POU2F1: variants seen among roughly 807,000 people sequenced by gnomAD.
POU2F1 encodes POU class 2 homeobox 1, also known as POU domain, class 2, transcription factor 1.
A neutral mutation model predicts 84.9 loss-of-function variants in POU2F1; 16 were observed. The observed-to-expected ratio is 0.19, with a 90% confidence interval of 0.13 to 0.29. The LOEUF (loss-of-function observed/expected upper bound fraction) is 0.29. Ranked by LOEUF, POU2F1 falls within the 10% of genes least tolerant of loss-of-function variation. POU2F1 has a pLI of 1.00. For synonymous variants in POU2F1, 368 were observed against 368.3 expected (o/e 1.00, Z 0.01); for missense variants, 738 against 942.6 (o/e 0.78, Z 2.84).
intron 9 of POU2F1, among the ~76,000 whole-genome samples, chr1:167,395,294 C>A (rs1014489523): frequency 3.3e-5 from 5 of 152,282 alleles, no homozygotes; most frequent in Middle Eastern, 3.4e-3. Context: ...TTCCATTGCC[C>A]ATGAAGGTTT....
chr1:167,241,487 C>G (rs539544815), intron 1 of POU2F1: 11 of 152,218 alleles, frequency 7.2e-5, no homozygotes, highest in African/African-American at 2.4e-4. Flanking sequence ...AATTTGAAAG[C>G]AATTTTTCAG....
chr1:167,409,037 T>C (rs1649780370), intron 13 of POU2F1, among the ~76,000 whole-genome samples: 1 of 152,236 alleles, frequency 6.6e-6, no homozygotes, highest in Admixed American at 6.5e-5. Context: ...TTTGATGAAG[T>C]TGAGTTCACT....
At chr1:167,295,824 G>A (rs953495793) in intron 1 of POU2F1, among the ~76,000 whole-genome samples, 8 of 152,256 alleles carry the variant, frequency 5.3e-5, no homozygotes, top group African/African-American at 1.7e-4. Flanking sequence ...GGAGAATAGG[G>A]AACCTCTTAA....
At chr1:167,325,161 CATT>C (rs1656609192) in intron 1 of POU2F1, among the ~76,000 whole-genome samples, 1 of 152,118 alleles carries the variant, frequency 6.6e-6, no homozygotes, top group Admixed American at 6.5e-5. Context: ...ATTGAAATAT[CATT>C]AAGTGTTTTC....
intron 1 of POU2F1, among the ~76,000 whole-genome samples, chr1:167,269,162 G>C (rs1284864267): frequency 6.6e-6 from 1 of 152,132 alleles, no homozygotes; most frequent in African/African-American, 2.4e-5. Context: ...CAAGCTTTAA[G>C]TGGGAAATTA....
At position 167,371,958 on chromosome 1, in the gene POU2F1, C is replaced by A. The variant is rs1185164448; in HGVS notation, c.324C>A (p.Ser108Arg). 1 of 1,614,166 alleles carries A rather than the reference C, an allele frequency of 6.2e-7. No individual in the cohort carries two copies. The highest frequency in any genetic ancestry group is 8.5e-7 in the Non-Finnish European group (1 of 1,180,018). The change falls in exon 5 of 16, where the codon AGC (serine) becomes AGA (arginine). Residue 108 changes from serine (S) to arginine (R), a missense_variant. Around this residue, in one of 4 missense-constraint regions of POU2F1, gnomAD observed 161 missense variants for 147.0 expected, o/e 1.10. Transcript: ENST00000367866. Reference protein sequence around the residue: ...NEESGDSQQPSQPSQQPSVQA... With the variant: ...NEESGDSQQPRQPSQQPSVQA... Reference sequence around the variant, plus strand: ...AATCGGGGGATTCGCAGCAGCCAAGCCAGCCTTCCCAGCAGCCTTCAGTGC... The same window carrying A: ...AATCGGGGGATTCGCAGCAGCCAAGACAGCCTTCCCAGCAGCCTTCAGTGC...
In POU2F1 at chr1:167,265,311, T is replaced by G. The variant is rs554017714; in HGVS notation, c.61+44353T>G. Among the ~76,000 whole-genome samples, 7 of 152,328 alleles carry G rather than the reference T, an allele frequency of 4.6e-5. No homozygotes were observed. In the South Asian group the frequency reaches 1.4e-3, roughly 32 times the overall value. On this transcript the variant is annotated intron_variant, in intron 1 of 15. Coordinates refer to ENST00000367866, the MANE Select transcript of POU2F1 (RefSeq NM_002697.4). ...GGGGATTCAAGATACATTTTAGAGA[T>G]AGAATTAACAGGACAGTTCACAATG...
intron 13 of POU2F1, among the ~76,000 whole-genome samples, chr1:167,405,392 T>A (rs943636224): frequency 2.0e-5 from 3 of 150,972 alleles, no homozygotes; most frequent in Admixed American, 1.3e-4. Flanking sequence ...AAAAAAAAAA[T>A]TCAGGCCATG....
chr1:167,338,063 G>T (rs1260278657), intron 2 of POU2F1: 1 of 447,142 alleles, frequency 2.2e-6, no homozygotes, highest in Middle Eastern at 3.9e-4. Flanking sequence ...AAATGAAAAA[G>T]CAAAAAAGTC....
chr1:167,351,519 C>CAAAAAAAAAAAAAA (rs34170498), intron 2 of POU2F1, among the ~76,000 whole-genome samples: 2 of 45,996 alleles, frequency 4.3e-5, no homozygotes, highest in Non-Finnish European at 4.3e-5. Flanking sequence ...AGCACCATCT[C>CAAAAAAAAAAAAAA]AAAAAAAAAA....
At chr1:167,239,885 A>T (rs959513399) in intron 1 of POU2F1, among the ~76,000 whole-genome samples, 4 of 151,892 alleles carry the variant, frequency 2.6e-5, no homozygotes, top group African/African-American at 9.7e-5. Context: ...TCAAAGAAAA[A>T]CTCAGAAAAA....
chr1:167,424,508 A>C lies in POU2F1; in HGVS notation c.*8698A>C, dbSNP rs1188402648. 2 of 152,216 alleles carry C rather than the reference A, an allele frequency of 1.3e-5. No homozygotes were observed. The highest frequency in any genetic ancestry group is 1.5e-5 in the Non-Finnish European group (1 of 68,054). The allele number at this position is 152,216 out of a possible 1,614,324, so 9.4% of individuals were successfully genotyped here. ...CTGTTCTACCCACCAGAAGTCCAGG[A>C]GCTGTTGTATACCTCATTTCTAACT... On this transcript the variant is annotated 3_prime_UTR_variant, in exon 16 of 16. Coordinates refer to ENST00000367866, the MANE Select transcript of POU2F1 (RefSeq NM_002697.4).
chr1:167,221,265 G>A (rs1461774292), intron 1 of POU2F1, among the ~76,000 whole-genome samples: 1 of 150,932 alleles, frequency 6.6e-6, no homozygotes, highest in African/African-American at 2.4e-5. Flanking sequence ...CTCCTCTGCC[G>A]GCCGCCGCTG....
At chr1:167,266,898 C>T (rs1031085756) in intron 1 of POU2F1, among the ~76,000 whole-genome samples, 2 of 151,882 alleles carry the variant, frequency 1.3e-5, no homozygotes, top group Non-Finnish European at 2.9e-5. Context: ...CTGGGATTAC[C>T]GGCGTGAGAC....
intron 9 of POU2F1, among the ~76,000 whole-genome samples, chr1:167,394,495 A>G (rs1648663066): frequency 6.6e-6 from 1 of 152,204 alleles, no homozygotes; most frequent in African/African-American, 2.4e-5. Flanking sequence ...TAAACAGTCT[A>G]CTTCAGTATA....
At chr1:167,288,923 A>G (rs1027597255) in intron 1 of POU2F1, among the ~76,000 whole-genome samples, 1 of 152,204 alleles carries the variant, frequency 6.6e-6, no homozygotes. Context: ...TGGGGGAAAC[A>G]TTATAACAAT....
intron 9 of POU2F1, among the ~76,000 whole-genome samples, chr1:167,392,671 GT>G (rs1648511474): frequency 6.6e-6 from 1 of 152,118 alleles, no homozygotes; most frequent in Non-Finnish European, 1.5e-5. Flanking sequence ...CTATGGTCTG[GT>G]GTTTTGTTTT....
intron 1 of POU2F1, among the ~76,000 whole-genome samples, chr1:167,316,633 AT>A (rs1392730546): frequency 1.3e-5 from 2 of 152,224 alleles, no homozygotes; most frequent in Admixed American, 6.5e-5. Flanking sequence ...GTATCTTTAG[AT>A]TTTATATCTG....
At position 167,399,284 on chromosome 1, in the gene POU2F1, A is replaced by G. The variant is rs752832556; in HGVS notation, c.1368A>G (p.Lys456=). Reference sequence around the variant, plus strand: ...TTTGGTTCTGTAACCGCCGCCAGAAAGAAAAAAGAATCAACCCACCAAGCA... The same window carrying G: ...TTTGGTTCTGTAACCGCCGCCAGAAGGAAAAAAGAATCAACCCACCAAGCA... ...IRVWFCNRRQ[K]EKRINPPSSG... Residue 456 remains lysine (K), a synonymous_variant, in exon 12 of 16, where the codon AAA becomes AAG. Coordinates refer to ENST00000367866, the MANE Select transcript of POU2F1 (RefSeq NM_002697.4). 10 of 1,614,022 alleles carry G rather than the reference A, an allele frequency of 6.2e-6. No individual in the cohort carries two copies. In the South Asian group the frequency reaches 9.9e-5, roughly 16 times the overall value.
Sources: allele counts gnomAD v4.1 joint callset (sites outside exome capture counted in the v4.1 genomes callset), GRCh38; gene constraint gnomAD v4.1.1; regional missense constraint gnomAD v4.1.1; transcripts MANE v1.5; gene names NCBI Gene and HGNC (gene_info 2026-07-23, HGNC 2026-07-21).